The following CSE1L variants were observed in gnomAD, a reference collection of about 807,000 sequenced individuals.
CSE1L encodes chromosome segregation 1 like.
CSE1L carries 24 observed loss-of-function variants against 120.4 expected under a neutral mutation model. The ratio of observed to expected loss-of-function variants is 0.20; its 90% confidence interval spans 0.14 to 0.28. The LOEUF is 0.28. Among genes scored for constraint, CSE1L ranks in the 10% least tolerant of loss-of-function variants. The pLI, the probability that CSE1L is intolerant of heterozygous loss-of-function variation, is 1.00. For missense variants in CSE1L, 830 were observed against 1,145.2 expected, an observed-to-expected ratio of 0.72 and a Z score of 3.97; for synonymous variants, 402 against 398.3, an observed-to-expected ratio of 1.01 and a Z score of -0.11.
chr20:49,069,411 A>G (rs188449840), intron 7 of CSE1L, among the ~76,000 whole-genome samples: 3 of 152,346 alleles, frequency 2.0e-5, no homozygotes, highest in Admixed American at 2.0e-4. Context: ...ATTCAGGACC[A>G]AGAAAGGGGT....
intron 10 of CSE1L, among the ~76,000 whole-genome samples, chr20:49,074,396 T>A (rs762306249): frequency 5.3e-5 from 8 of 151,968 alleles, no homozygotes; most frequent in African/African-American, 1.9e-4. Flanking sequence ...ACTCTACTTA[T>A]TTGTTGTTGA....
chr20:49,056,654 A>C (rs1023848871), intron 1 of CSE1L, among the ~76,000 whole-genome samples: 1 of 151,636 alleles, frequency 6.6e-6, no homozygotes, highest in Non-Finnish European at 1.5e-5. Context: ...AATCATGCAC[A>C]TCTGACACTT....
intron 16 of CSE1L, among the ~76,000 whole-genome samples, chr20:49,087,102 A>G (rs115213523): frequency 7.0e-4 from 106 of 152,264 alleles, no homozygotes; most frequent in African/African-American, 2.4e-3. Flanking sequence ...GCTTTTATAC[A>G]TTTTTAGCTG....
chr20:49,071,537 G>A (rs748880883), intron 8 of CSE1L, among the ~76,000 whole-genome samples: 2 of 152,150 alleles, frequency 1.3e-5, no homozygotes, highest in Admixed American at 6.5e-5. Context: ...AGGCTGGAGT[G>A]CAGTGGCATG....
intron 20 of CSE1L, 39 bp downstream of exon 20, chr20:49,090,878 T>A: frequency 6.2e-7 from 1 of 1,602,254 alleles, no homozygotes; most frequent in Non-Finnish European, 8.5e-7. Flanking sequence ...ATTTAGAAAT[T>A]TTGTTAGGTG....
rs146181018 is a variant in CSE1L at position 49,087,482 on chromosome 20, C to T, written c.1724-527C>T. ...AAGCGATTCTCAAGCCTCAGCCTCC[C>T]GAGTAGCTGGGACTACAGACGTGCA... is the stretch of plus-strand genomic sequence containing the variant. On this transcript the variant is annotated intron_variant, in intron 16 of 24. Transcript: ENST00000262982. 1.5e-3 allele frequency among the ~76,000 whole-genome samples: 221 copies of T among 151,800 alleles called. 9 individuals are homozygous for T. In the East Asian group the frequency reaches 0.039, roughly 27 times the overall value.
chr20:49,063,528 C>A (rs1302373236), intron 3 of CSE1L, among the ~76,000 whole-genome samples, 184 bp downstream of exon 3: 1 of 152,104 alleles, frequency 6.6e-6, no homozygotes, highest in Non-Finnish European at 1.5e-5. Context: ...TGTACTCTAG[C>A]CTTTTAGTGA....
intron 24 of CSE1L, among the ~76,000 whole-genome samples, chr20:49,095,598 A>G (rs993844535): frequency 1.3e-5 from 2 of 152,104 alleles, no homozygotes; most frequent in Admixed American, 6.6e-5. Flanking sequence ...TACAAGTGTG[A>G]GCCTGGACAC....
chr20:49,092,492 C>T (rs1201693667), intron 22 of CSE1L, among the ~76,000 whole-genome samples: 1 of 151,784 alleles, frequency 6.6e-6, no homozygotes, highest in African/African-American at 2.4e-5. Flanking sequence ...TCTCCACAGC[C>T]AGTGTTCTAT....
At position 49,068,901 on chromosome 20, in the gene CSE1L, T is replaced by A. The variant is rs113037489; in HGVS notation, c.675+79T>A. 1.0e-5 allele frequency: 10 copies of A among 1,000,688 alleles called. No individual in the cohort carries two copies. In the African/African-American group the frequency reaches 1.1e-4, roughly 11 times the overall value. 62.0% of individuals were successfully genotyped at this position (1,000,688 alleles called of 1,614,324 possible). A position where few individuals can be genotyped will look rare whatever the true frequency, so the allele number is the denominator to read the frequency against. ...GTTTTCTTTCTGTTTGATAAAGACT[T>A]CTTTGCCAGCATTGATTTTTCTGAA... On this transcript the variant is annotated intron_variant, in intron 7 of 24. Coordinates refer to ENST00000262982, the MANE Select transcript of CSE1L (RefSeq NM_001316.4).
At chr20:49,080,261 ATTTT>A (rs1206371694) in intron 14 of CSE1L, among the ~76,000 whole-genome samples, 3 of 129,158 alleles carry the variant, frequency 2.3e-5, no homozygotes, top group Non-Finnish European at 5.1e-5. Context: ...GTTTTTTTTT[ATTTT>A]TTTTGTTTTT....
chr20:49,092,244 T>C (rs2092107123), intron 22 of CSE1L, 117 bp downstream of exon 22: 1 of 591,560 alleles, frequency 1.7e-6, no homozygotes, highest in Non-Finnish European at 2.9e-6. Flanking sequence ...AGATAGTGTC[T>C]ATGGTTTTCA....
chr20:49,091,285 C>T (rs1166321809), intron 21 of CSE1L, among the ~76,000 whole-genome samples: 1 of 150,430 alleles, frequency 6.6e-6, no homozygotes, highest in Non-Finnish European at 1.5e-5. Context: ...ATTAGCCAGG[C>T]ATGGTGGCAT....
intron 13 of CSE1L, among the ~76,000 whole-genome samples, chr20:49,078,190 A>G (rs995023871): frequency 6.6e-6 from 1 of 152,262 alleles, no homozygotes; most frequent in South Asian, 2.1e-4. Flanking sequence ...TTGGTGATCT[A>G]TTCCTTTCAT....
rs181763372 is a variant in CSE1L at position 49,050,654 on chromosome 20, G to T, written c.-12+4231G>T. ...TCGAACTCCTGACCTCAGATGATCC[G>T]CCTGCTTCGGCCTCCCAAAGTGCTG... On this transcript the variant is annotated intron_variant, in intron 1 of 24. Coordinates refer to ENST00000262982, the MANE Select transcript of CSE1L (RefSeq NM_001316.4). Among the ~76,000 whole-genome samples the T allele has an allele frequency of 4.0e-5, 6 of 151,024 alleles. No homozygotes were observed. The South Asian group carries it at 6.3e-4, about 16-fold the overall frequency.
At chr20:49,077,313 C>T (rs1164282564) in intron 13 of CSE1L, among the ~76,000 whole-genome samples, 4 of 152,046 alleles carry the variant, frequency 2.6e-5, no homozygotes, top group Admixed American at 6.5e-5. Context: ...GCACGTACCA[C>T]CATGCCCGGC....
At chr20:49,078,445 A>G (rs1481158547) in intron 13 of CSE1L, 116 bp from the exon 14 acceptor site, 4 of 676,160 alleles carry the variant, frequency 5.9e-6, no homozygotes, top group African/African-American at 1.9e-5. Context: ...AATATAATTA[A>G]CTGTGCTTTA....
At position 49,089,174 on chromosome 20, in the gene CSE1L, C is replaced by T. The variant is rs537420650; in HGVS notation, c.1822-73C>T. On this transcript the variant is annotated intron_variant, in intron 17 of 24. Coordinates refer to ENST00000262982, the MANE Select transcript of CSE1L (RefSeq NM_001316.4). ...TGATTTTTAAAAAATAAGATGGCCT[C>T]TATTTTAAATGTGTTTTATAAAGGT... is the stretch of plus-strand genomic sequence containing the variant. 5 of 1,211,876 alleles carry T rather than the reference C, an allele frequency of 4.1e-6. No individual in the cohort carries two copies. The South Asian group carries it at 5.9e-5, about 14-fold the overall frequency. The allele number at this position is 1,211,876 out of a possible 1,614,324, so 75.1% of individuals were successfully genotyped here.
intron 16 of CSE1L, among the ~76,000 whole-genome samples, chr20:49,087,599 C>T (rs2092070148): frequency 6.6e-6 from 1 of 152,044 alleles, no homozygotes; most frequent in Non-Finnish European, 1.5e-5. Flanking sequence ...AAGTGATCCG[C>T]CAGCCTCGGC....
Sources: gnomAD v4.1 joint callset for allele counts (sites outside exome capture counted in the v4.1 genomes callset) on GRCh38, gnomAD v4.1.1 for gene constraint, MANE v1.5 for transcripts, NCBI Gene and HGNC (gene_info 2026-07-23, HGNC 2026-07-21) for gene names.